Variants in SORT1 observed in about 807,000 individuals in gnomAD.
SORT1 encodes the protein sortilin.
Under a neutral mutation model 101.7 loss-of-function variants are expected in SORT1, and 39 were observed. The ratio of observed to expected loss-of-function variants is 0.38; its 90% CI spans 0.30 to 0.50. The LOEUF is 0.50. SORT1 is among the 20% of genes least tolerant of loss of function. SORT1 has a pLI of 0.90. For synonymous variants in SORT1, 396 were observed against 393.7 expected (o/e 1.01, Z -0.07); for missense variants, 878 against 1,040.4 (o/e 0.84, Z 2.15).
intron 1 of SORT1, among the ~76,000 whole-genome samples, chr1:109,393,850 T>G (rs1250022628): frequency 6.6e-6 from 1 of 151,796 alleles, no homozygotes; most frequent in Non-Finnish European, 1.5e-5. Flanking sequence ...CATATGCATA[T>G]ATTATGTAAT....
Position 109,367,390 on chromosome 1 carries a change from G to A in SORT1, c.440+18C>T, listed in dbSNP as rs377005657. ...ATGTTACTTAGTGAAATGCTCCAAC[G>A]CGTGTTATTGATCTCACCTTCGATA... On this transcript the variant is annotated intron_variant, in intron 3 of 19. Coordinates refer to ENST00000256637, the MANE Select transcript of SORT1 (RefSeq NM_002959.7). 418 of 1,436,014 alleles carry A rather than the reference G, an allele frequency of 2.9e-4. No homozygotes were observed. Among genetic ancestry groups the A allele is most frequent in the Non-Finnish European group, 3.6e-4 (372 of 1,024,892 alleles). 89.0% of individuals were successfully genotyped at this position (1,436,014 alleles called of 1,614,324 possible).
intron 3 of SORT1, among the ~76,000 whole-genome samples, chr1:109,366,519 T>C (rs1651098337): frequency 6.6e-6 from 1 of 152,160 alleles, no homozygotes. Context: ...CACTATACAC[T>C]CTTTCTTCAT....
At chr1:109,331,117 A>G (rs1247875510) in intron 11 of SORT1, among the ~76,000 whole-genome samples, 1 of 152,208 alleles carries the variant, frequency 6.6e-6, no homozygotes, top group Non-Finnish European at 1.5e-5. Flanking sequence ...AACTCATTTT[A>G]TAAGGGTGGT....
chr1:109,356,172 C>A (rs1402260059), intron 3 of SORT1, among the ~76,000 whole-genome samples: 1 of 152,132 alleles, frequency 6.6e-6, no homozygotes, highest in Non-Finnish European at 1.5e-5. Flanking sequence ...GTGCCCGGTC[C>A]TACAGACATT....
At chr1:109,393,905 T>G (rs989404725) in intron 1 of SORT1, among the ~76,000 whole-genome samples, 9 of 151,748 alleles carry the variant, frequency 5.9e-5, no homozygotes, top group Admixed American at 1.3e-4. Context: ...GTATATATTA[T>G]GTATATATAA....
intron 1 of SORT1, among the ~76,000 whole-genome samples, chr1:109,386,672 G>C (rs1156915184): frequency 6.6e-6 from 1 of 152,178 alleles, no homozygotes; most frequent in African/African-American, 2.4e-5. Flanking sequence ...AGGCAGCATA[G>C]TAAGACCTCA....
intron 6 of SORT1, among the ~76,000 whole-genome samples, chr1:109,349,812 G>A (rs929552603): frequency 4.5e-4 from 68 of 152,062 alleles, no homozygotes; most frequent in African/African-American, 1.3e-3. Context: ...CTTTATTTAA[G>A]CAATATATTT....
rs113780058 is a variant in SORT1 at position 109,314,196 on chromosome 1, C to T, written c.2481+65G>A. On this transcript the variant is annotated intron_variant, in intron 19 of 19. Transcript: ENST00000256637. ...GCATATCTTGATCATGAATAGAAGA[C>T]AGACTTTATTTTCTTGTATTTTTTG... The T allele has an allele frequency of 5.8e-5, 93 of 1,593,292 alleles. 1 individual carries two copies. The African/African-American group carries it at 1.0e-3, about 18-fold the overall frequency.
At chr1:109,318,245 C>T (rs953265746) in intron 15 of SORT1, among the ~76,000 whole-genome samples, 4 of 151,906 alleles carry the variant, frequency 2.6e-5, no homozygotes, top group Non-Finnish European at 4.4e-5. Context: ...CCTCCGCCTC[C>T]GGCTTCAAGC....
chr1:109,396,083 C>CA (rs1003206647), intron 1 of SORT1, among the ~76,000 whole-genome samples: 54 of 145,822 alleles, frequency 3.7e-4, no homozygotes, highest in East Asian at 1.2e-3. Context: ...GACCCTATCT[C>CA]AAAAAAAAAA....
rs150163924 is a variant in SORT1, at chr1:109,397,850, G to A, written c.43C>T (p.Pro15Ser). Residue 15 changes from proline (P) to serine (S), a missense_variant, in exon 1 of 20, where the codon CCC becomes TCC. Coordinates refer to ENST00000256637, the MANE Select transcript of SORT1 (RefSeq NM_002959.7). Reference protein sequence around the residue: ...WGAADGLSRWPHGLGLLLLLQ... With the variant: ...WGAADGLSRWSHGLGLLLLLQ... ...AGGAGGAGGAGGCCGAGGCCATGGG[G>A]CCAGCGCGAGAGGCCGTCCGCAGCT... 842 of 1,291,094 alleles carry A rather than the reference G, an allele frequency of 6.5e-4. 2 individuals are homozygous for A. The highest frequency in any genetic ancestry group is 1.2e-3 in the Middle Eastern group (4 of 3,246). The allele number at this position is 1,291,094 out of a possible 1,614,324, so 80.0% of individuals were successfully genotyped here.
At position 109,327,491 on chromosome 1, in the gene SORT1, T is replaced by C. The variant is rs1648159889; in HGVS notation, c.1474+8A>G. On this transcript the variant is annotated splice_region_variant and intron_variant, in intron 12 of 19. Coordinates refer to ENST00000256637, the MANE Select transcript of SORT1 (RefSeq NM_002959.7). The stretch of plus-strand genomic sequence containing the variant: ...CCAGTTGGAGGTGGTGAGTGGGAGG[T>C]TCCTTACCATGAGCAATGACAATGC... The C allele has an allele frequency of 6.4e-7, 1 of 1,564,600 alleles. No individual in the cohort carries two copies. Among genetic ancestry groups the C allele is most frequent in the Non-Finnish European group, 8.7e-7 (1 of 1,143,834 alleles).
chr1:109,317,740 C>T (rs1040203447), intron 16 of SORT1, 113 bp downstream of exon 16: 28 of 752,474 alleles, frequency 3.7e-5, no homozygotes, highest in Non-Finnish European at 5.9e-5. Flanking sequence ...TCCCCAACCC[C>T]GCCAAAAATA....
In SORT1 at chr1:109,393,854, A is replaced by G. The variant is rs533842158; in HGVS notation, c.306+3733T>C. Among the ~76,000 whole-genome samples, 152 of 151,898 alleles carry G rather than the reference A, an allele frequency of 1.0e-3. No homozygotes were observed. In the Middle Eastern group the frequency reaches 0.01, roughly 10 times the overall value. ...ATACAATATTACATATGCATATATT[A>G]TGTAATACAAATATATATTTATACA... On this transcript the variant is annotated intron_variant, in intron 1 of 19. Coordinates refer to ENST00000256637, the MANE Select transcript of SORT1 (RefSeq NM_002959.7).
intron 2 of SORT1, among the ~76,000 whole-genome samples, 193 bp downstream of exon 2, chr1:109,369,337 A>G (rs574746056): frequency 6.6e-5 from 10 of 151,810 alleles, no homozygotes; most frequent in Admixed American, 2.6e-4. Context: ...CCCCCGCAAA[A>G]AAGATGTTCC....
At chr1:109,314,612 G>T in intron 18 of SORT1, 60 bp downstream of exon 18, 1 of 1,255,336 alleles carries the variant, frequency 8.0e-7, no homozygotes. Flanking sequence ...TCAGCCATAT[G>T]CCCTAGATCA....
chr1:109,362,037 A>C (rs1469500933), intron 3 of SORT1, among the ~76,000 whole-genome samples: 2 of 152,184 alleles, frequency 1.3e-5, no homozygotes, highest in East Asian at 3.8e-4. Context: ...CAAGCTGTTT[A>C]GTGTTCCTAA....
intron 1 of SORT1, among the ~76,000 whole-genome samples, chr1:109,375,471 G>A (rs959723677): frequency 6.9e-6 from 1 of 145,800 alleles, no homozygotes; most frequent in African/African-American, 2.6e-5. Context: ...TGAACCCCAG[G>A]GGGCGGTGCC....
chr1:109,329,415 G>A (rs991472259), intron 11 of SORT1, among the ~76,000 whole-genome samples: 10 of 151,942 alleles, frequency 6.6e-5, no homozygotes, highest in African/African-American at 1.9e-4. Context: ...CACCACACCC[G>A]GCTAATTTTT....
Sources: gnomAD v4.1 joint callset for allele counts (sites outside exome capture counted in the v4.1 genomes callset) on GRCh38, gnomAD v4.1.1 for gene constraint, MANE v1.5 for transcripts, NCBI Gene and HGNC (gene_info 2026-07-23, HGNC 2026-07-21) for gene names.